The following PTPRD variants were observed in gnomAD, a reference collection of about 807,000 sequenced individuals.
PTPRD encodes protein tyrosine phosphatase receptor type D.
PTPRD carries 34 observed loss-of-function variants against 214.5 expected under a neutral mutation model. The observed-to-expected ratio is 0.16, with a 90% CI of 0.12 to 0.21. The LOEUF (loss-of-function observed/expected upper bound fraction) is 0.21, where lower values mean the gene tolerates loss of function less well. Among genes scored for constraint, PTPRD ranks in the 10% least tolerant of loss-of-function variants. The pLI is 1.00. For synonymous variants in PTPRD, 1,128 were observed against 845.7 expected, an observed-to-expected ratio of 1.33 and a Z score of -5.79; for missense variants, 2,545 against 2,398.7, an observed-to-expected ratio of 1.06 and a Z score of -1.27.
intron 7 of PTPRD, among the ~76,000 whole-genome samples, chr9:9,703,435 G>T (rs141231475): frequency 6.6e-6 from 1 of 152,116 alleles, no homozygotes; most frequent in Admixed American, 6.5e-5. Flanking sequence ...AATCAAAGTG[G>T]GGTTTACATG....
intron 11 of PTPRD, among the ~76,000 whole-genome samples, chr9:8,978,621 G>C (rs1297440402): frequency 1.3e-5 from 2 of 152,108 alleles, no homozygotes. Context: ...TGCAGCATAA[G>C]CTGGAGCTGA....
intron 10 of PTPRD, among the ~76,000 whole-genome samples, chr9:9,031,607 A>G (rs2099605672): frequency 6.6e-6 from 1 of 152,038 alleles, no homozygotes; most frequent in Non-Finnish European, 1.5e-5. Flanking sequence ...ATCTTAAGGG[A>G]CCACCAATAA....
intron 11 of PTPRD, among the ~76,000 whole-genome samples, chr9:8,803,752 A>C (rs140093857): frequency 2.5e-4 from 38 of 151,874 alleles, no homozygotes; most frequent in African/African-American, 8.7e-4. Context: ...AAAAAAAAAG[A>C]AAAGAAAAAG....
chr9:9,778,063 A>G lies in PTPRD; in HGVS notation c.-367-11212T>C, dbSNP rs557957438. Reference sequence around the variant, plus strand: ...ACAAGATGGCTGAAGAGACGCAGCTAGGAAGTGACACTCCCATTGAGAGAG... The same window carrying G: ...ACAAGATGGCTGAAGAGACGCAGCTGGGAAGTGACACTCCCATTGAGAGAG... On this transcript the variant is annotated intron_variant, in intron 5 of 45. Coordinates refer to ENST00000381196, the MANE Select transcript of PTPRD (RefSeq NM_002839.4). Among the ~76,000 whole-genome samples the G allele has an allele frequency of 5.3e-5, 8 of 152,340 alleles. No homozygotes were observed. In the South Asian group the frequency reaches 1.7e-3, roughly 32 times the overall value.
intron 9 of PTPRD, among the ~76,000 whole-genome samples, chr9:9,350,545 A>G (rs949266855): frequency 6.6e-5 from 10 of 152,140 alleles, no homozygotes; most frequent in African/African-American, 2.2e-4. Context: ...TTCTTCTGCC[A>G]GATAAGGTGT....
chr9:10,296,753 C>G (rs1392637031), intron 3 of PTPRD, among the ~76,000 whole-genome samples: 1 of 152,052 alleles, frequency 6.6e-6, no homozygotes, highest in Non-Finnish European at 1.5e-5. Context: ...CTGCACAATC[C>G]TCAGTTTACT....
At chr9:9,549,565 G>A (rs2079677774) in intron 8 of PTPRD, among the ~76,000 whole-genome samples, 1 of 152,022 alleles carries the variant, frequency 6.6e-6, no homozygotes, top group East Asian at 1.9e-4. Context: ...AGTCGCTATG[G>A]TCCAGCAATT....
chr9:9,792,942 C>T (rs2098977481), intron 5 of PTPRD, among the ~76,000 whole-genome samples: 2 of 151,994 alleles, frequency 1.3e-5, no homozygotes, highest in African/African-American at 4.8e-5. Flanking sequence ...GCTTAATAGA[C>T]TTGGGCAAAC....
intron 7 of PTPRD, among the ~76,000 whole-genome samples, chr9:9,638,328 A>T (rs1299008613): frequency 2.0e-5 from 3 of 152,186 alleles, no homozygotes; most frequent in Non-Finnish European, 4.4e-5. Context: ...TCTTCTGCCA[A>T]ATATCCTGGT....
intron 14 of PTPRD, among the ~76,000 whole-genome samples, chr9:8,605,251 C>A (rs950356850): frequency 6.6e-6 from 1 of 152,126 alleles, no homozygotes; most frequent in African/African-American, 2.4e-5. Context: ...TTAAACCTGA[C>A]AATTTAATAT....
Position 8,531,612 on chromosome 9 carries a change from C to T in PTPRD, c.353-2833G>A, listed in dbSNP as rs141888508. Among the ~76,000 whole-genome samples, 321 of 152,188 alleles carry T rather than the reference C, an allele frequency of 2.1e-3. 1 individual carries two copies. Among genetic ancestry groups the T allele is most frequent in the African/African-American group, 3.2e-3 (132 of 41,556 alleles). On this transcript the variant is annotated intron_variant, in intron 14 of 45. Coordinates refer to ENST00000381196, the MANE Select transcript of PTPRD (RefSeq NM_002839.4). ...ACCAACTTAGGTTAATCAAAAATCACCTTGCGATTCCTGAGTGGTTTCTGT... is the reference window on the plus strand; with the variant it reads ...ACCAACTTAGGTTAATCAAAAATCATCTTGCGATTCCTGAGTGGTTTCTGT...
chr9:9,853,526 AATATTT>A (rs2060945296), intron 5 of PTPRD, among the ~76,000 whole-genome samples: 1 of 151,814 alleles, frequency 6.6e-6, no homozygotes, highest in African/African-American at 2.4e-5. Context: ...ATTGTGTATT[AATATTT>A]TTAAGGGTTT....
intron 12 of PTPRD, among the ~76,000 whole-genome samples, chr9:8,726,324 C>T (rs529336349): frequency 1.3e-5 from 2 of 151,388 alleles, no homozygotes; most frequent in East Asian, 3.9e-4. Context: ...TGTGGTGGCT[C>T]ACGACTATAA....
intron 4 of PTPRD, among the ~76,000 whole-genome samples, chr9:9,964,951 G>C (rs1330024291): frequency 6.6e-6 from 1 of 152,018 alleles, no homozygotes; most frequent in Non-Finnish European, 1.5e-5. Context: ...TCTCTTACTT[G>C]CAAGTAAAAT....
intron 39 of PTPRD, among the ~76,000 whole-genome samples, chr9:8,373,917 C>CTAT (rs2082415992): frequency 9.4e-5 from 9 of 95,780 alleles, no homozygotes; most frequent in South Asian, 3.0e-4. Context: ...TATCTATCTA[C>CTAT]CTACCTACCT....
At chr9:8,930,142 G>A (rs1012853799) in intron 11 of PTPRD, among the ~76,000 whole-genome samples, 2 of 148,786 alleles carry the variant, frequency 1.3e-5, no homozygotes, top group African/African-American at 5.0e-5. Flanking sequence ...CCCAGTGTGT[G>A]ATGTTCCCCT....
At chr9:8,746,981 G>A (rs916056282) in intron 11 of PTPRD, among the ~76,000 whole-genome samples, 1 of 152,190 alleles carries the variant, frequency 6.6e-6, no homozygotes. Flanking sequence ...TGGCAAAGAT[G>A]TGCAAGGATG....
At chr9:8,512,285 A>G (rs1205406815) in intron 21 of PTPRD, among the ~76,000 whole-genome samples, 1 of 152,108 alleles carries the variant, frequency 6.6e-6, no homozygotes, top group Non-Finnish European at 1.5e-5. Flanking sequence ...TCATTGACAA[A>G]ATAAGTACTT....
At chr9:10,304,176 C>A (rs760104332) in intron 3 of PTPRD, among the ~76,000 whole-genome samples, 4 of 152,066 alleles carry the variant, frequency 2.6e-5, no homozygotes, top group Non-Finnish European at 5.9e-5. Context: ...ATGATTATCT[C>A]AATAAATGCA....
Sources: allele counts gnomAD v4.1 joint callset (sites outside exome capture counted in the v4.1 genomes callset), GRCh38; gene constraint gnomAD v4.1.1; transcripts MANE v1.5; gene names NCBI Gene and HGNC (gene_info 2026-07-23, HGNC 2026-07-21).